PCDHA12: variants seen among roughly 807,000 people sequenced by gnomAD.
The protein encoded by PCDHA12 is protocadherin alpha 12.
Under a neutral mutation model 60.0 loss-of-function variants are expected in PCDHA12, and 44 were observed. The ratio of observed to expected loss-of-function variants is 0.73; its 90% CI spans 0.58 to 0.94. The LOEUF (loss-of-function observed/expected upper bound fraction) is 0.94, where lower values mean the gene tolerates loss of function less well. PCDHA12 is among the 40% of genes least tolerant of loss of function. PCDHA12 has a pLI of 0.00. For missense variants in PCDHA12, 1,276 were observed against 1,239.7 expected, an observed-to-expected ratio of 1.03 and a Z score of -0.44; for synonymous variants, 569 against 553.0, an observed-to-expected ratio of 1.03 and a Z score of -0.40.
At chr5:140,926,947 G>C in intron 1 of PCDHA12, 1 of 1,590,600 alleles carries the variant, frequency 6.3e-7, no homozygotes, top group Non-Finnish European at 8.6e-7. Context: ...CGGCGCTGCA[G>C]CGGGACAGCT....
chr5:140,934,612 T>G (rs2089946859), intron 1 of PCDHA12, among the ~76,000 whole-genome samples: 1 of 152,184 alleles, frequency 6.6e-6, no homozygotes, highest in South Asian at 2.1e-4. Flanking sequence ...TTGATTAGCC[T>G]GAGGTACAGT....
At chr5:140,968,817 T>C in intron 1 of PCDHA12, 2 of 1,614,110 alleles carry the variant, frequency 1.2e-6, no homozygotes, top group Middle Eastern at 3.3e-4. Flanking sequence ...GTGGATAGGG[T>C]TTCCAAAATC....
intron 1 of PCDHA12, among the ~76,000 whole-genome samples, chr5:140,946,679 C>T (rs556487333): frequency 4.1e-5 from 6 of 144,812 alleles, no homozygotes; most frequent in East Asian, 4.0e-4. Flanking sequence ...TCCTGTCATT[C>T]GTGACAATAT....
chr5:140,876,463 G>T lies in PCDHA12; in HGVS notation c.991G>T (p.Ala331Ser). ...NAIDKGIPSM[A>S]GHSMVLVEVL... ...CATTGATAAAGGGATTCCTTCCATG[G>T]CAGGTCACAGCATGGTCCTGGTGGA... is the stretch of plus-strand genomic sequence containing the variant. The change falls in exon 1 of 4, where the codon GCA (alanine) becomes TCA (serine). Residue 331 changes from alanine (A) to serine (S), a missense_variant. Transcript: ENST00000398631. 2 of 1,614,014 alleles carry T rather than the reference G, an allele frequency of 1.2e-6. No homozygotes were observed. The highest frequency in any genetic ancestry group is 1.7e-6 in the Non-Finnish European group (2 of 1,179,898).
rs1446529645 is a variant in PCDHA12, at chr5:140,923,539, C to CA, written c.2367+45704dup. ...GTGAGATTCTGTCCCAAAAAAAGGA[C>CA]AAAATGAAATATCAGCAATGAAAGG... On this transcript the variant is annotated intron_variant, in intron 1 of 3. Coordinates refer to ENST00000398631, the MANE Select transcript of PCDHA12 (RefSeq NM_018903.4). 3.3e-5 allele frequency among the ~76,000 whole-genome samples: 5 copies of CA among 152,090 alleles called. No individual in the cohort carries two copies. The South Asian group carries it at 8.3e-4, about 25-fold the overall frequency.
Position 140,941,114 on chromosome 5 carries a change from T to G in PCDHA12, c.2368-37835T>G, listed in dbSNP as rs193134067. ...TTTCACATACTATTACTGGAAAGAT[T>G]AGTCCTTTGAAGTTCCAGCTTAATG... On this transcript the variant is annotated intron_variant, in intron 1 of 3. Coordinates refer to ENST00000398631, the MANE Select transcript of PCDHA12 (RefSeq NM_018903.4). Among the ~76,000 whole-genome samples, 307 of 152,230 alleles carry G rather than the reference T, an allele frequency of 2.0e-3. 3 individuals carry two copies. Among genetic ancestry groups the G allele is most frequent in the African/African-American group, 7.2e-3 (299 of 41,546 alleles).
intron 1 of PCDHA12, chr5:140,881,378 G>A (rs2058692175): frequency 1.0e-6 from 1 of 984,802 alleles, no homozygotes; most frequent in Non-Finnish European, 1.2e-6. Context: ...ATTGCAGCCG[G>A]CGGCGGTAAG....
chr5:140,941,316 T>C (rs1479003076), intron 1 of PCDHA12, among the ~76,000 whole-genome samples: 1 of 135,480 alleles, frequency 7.4e-6, no homozygotes, highest in African/African-American at 2.7e-5. Flanking sequence ...TTTTCTTCTT[T>C]CTCTTTTTTT....
intron 1 of PCDHA12, among the ~76,000 whole-genome samples, chr5:140,935,339 A>G (rs1048024159): frequency 1.3e-5 from 2 of 152,180 alleles, no homozygotes; most frequent in Admixed American, 6.5e-5. Context: ...TTTCTCCCAT[A>G]CGTCAAATCC....
chr5:140,956,434 T>G (rs1554222427), intron 1 of PCDHA12, among the ~76,000 whole-genome samples: 1 of 152,236 alleles, frequency 6.6e-6, no homozygotes, highest in Non-Finnish European at 1.5e-5. Flanking sequence ...TTAGTTCTGC[T>G]TATGTGATGA....
rs142150910 is a variant in PCDHA12, at chr5:140,945,405, C to T, written c.2368-33544C>T. ...AGCAATATACAAATTCAATACAATTCGTATCAAAATTTCAATGAAGTTTTT... is the reference window on the plus strand; with the variant it reads ...AGCAATATACAAATTCAATACAATTTGTATCAAAATTTCAATGAAGTTTTT... On this transcript the variant is annotated intron_variant, in intron 1 of 3. Transcript: ENST00000398631. Among the ~76,000 whole-genome samples, 454 of 152,016 alleles carry T rather than the reference C, an allele frequency of 3.0e-3. 3 individuals are homozygous for T. Among genetic ancestry groups the T allele is most frequent in the African/African-American group, 9.6e-3 (400 of 41,488 alleles).
rs371830340 is a variant in PCDHA12 at position 140,947,864 on chromosome 5, C to G, written c.2368-31085C>G. Reference sequence around the variant, plus strand: ...TTTATTTATTTTGTCATTATAATGGCTAGGACTTCCAGGACAATATAAACA... The same window carrying G: ...TTTATTTATTTTGTCATTATAATGGGTAGGACTTCCAGGACAATATAAACA... On this transcript the variant is annotated intron_variant, in intron 1 of 3. Coordinates refer to ENST00000398631, the MANE Select transcript of PCDHA12 (RefSeq NM_018903.4). Among the ~76,000 whole-genome samples the G allele has an allele frequency of 1.4e-4, 21 of 151,554 alleles. No homozygotes were observed. The East Asian group carries it at 2.3e-3, about 17-fold the overall frequency.
chr5:141,002,333 G>T (rs782123745), intron 3 of PCDHA12, among the ~76,000 whole-genome samples: 1 of 152,196 alleles, frequency 6.6e-6, no homozygotes, highest in African/African-American at 2.4e-5. Context: ...GGCTGCATCC[G>T]CACCCCTTCC....
At chr5:140,940,349 C>T (rs1437069133) in intron 1 of PCDHA12, among the ~76,000 whole-genome samples, 14 of 152,156 alleles carry the variant, frequency 9.2e-5, no homozygotes, top group African/African-American at 2.9e-4. Flanking sequence ...GTGTGTCCAA[C>T]ATGCTATTAA....
chr5:141,005,701 CAAAAAAAAAAAA>C (rs59860837), intron 3 of PCDHA12, among the ~76,000 whole-genome samples: 139 of 7,794 alleles, frequency 0.018, no homozygotes, highest in African/African-American at 0.055. Context: ...AACTCCGTCT[CAAAAAAAAAAAA>C]AAAAAAAAAA....
In PCDHA12 at chr5:140,876,550, C is replaced by T; in HGVS notation, c.1078C>T (p.Gln360Ter). ...GGTTACTTCACTGTCGCTCCCTGTGCAAGAGGATGCTCAGGTGGGTACCGT... is the reference window on the plus strand; with the variant it reads ...GGTTACTTCACTGTCGCTCCCTGTGTAAGAGGATGCTCAGGTGGGTACCGT... ...VMVTSLSLPVQEDAQVGTVIA... is the reference protein window; with the variant it reads ...VMVTSLSLPV The change falls in exon 1 of 4, where the codon CAA becomes TAA. Residue 360 changes from glutamine (Q) to a stop codon, truncating the protein, a stop_gained. Transcript: ENST00000398631. LOFTEE classifies it high-confidence loss of function. 6.2e-7 allele frequency: 1 copy of T among 1,614,186 alleles called. No homozygotes were observed. The highest frequency in any genetic ancestry group is 8.5e-7 in the Non-Finnish European group (1 of 1,180,040).
At chr5:140,896,022 GC>G (rs2065315462) in intron 1 of PCDHA12, among the ~76,000 whole-genome samples, 3 of 152,138 alleles carry the variant, frequency 2.0e-5, no homozygotes, top group Admixed American at 1.3e-4. Context: ...TGTTGGCCAG[GC>G]TGGTCTCGAA....
In PCDHA12 at chr5:140,929,128, A is replaced by G. The variant is rs142487298; in HGVS notation, c.2368-49821A>G. On this transcript the variant is annotated intron_variant, in intron 1 of 3. Transcript: ENST00000398631. Reference sequence around the variant, plus strand: ...GACATCAGCCACCATAGATGTCACTACAGTTGAGAGACTTTCTCAGACTTA... The same window carrying G: ...GACATCAGCCACCATAGATGTCACTGCAGTTGAGAGACTTTCTCAGACTTA... The G allele has an allele frequency of 8.1e-6, 13 of 1,614,054 alleles. No individual in the cohort carries two copies. In the African/African-American group the frequency reaches 1.5e-4, roughly 18 times the overall value.
Position 140,876,005 on chromosome 5 carries a change from T to C in PCDHA12, c.533T>C (p.Phe178Ser). ...LTYALSLNEN[F>S]ELKIKTKKDK... ...TATGCGTTAAGTCTAAATGAGAATT[T>C]TGAGCTTAAAATAAAAACAAAAAAA... Residue 178 changes from phenylalanine (F) to serine (S), a missense_variant, in exon 1 of 4, where the codon TTT (phenylalanine) becomes TCT (serine). Physicochemically the swap from Phe to Ser is radical, Grantham distance 155. Transcript: ENST00000398631. 6.2e-7 allele frequency: 1 copy of C among 1,613,854 alleles called. No homozygotes were observed. The highest frequency in any genetic ancestry group is 1.3e-5 in the African/African-American group (1 of 75,026).
Sources: allele counts gnomAD v4.1 joint callset (sites outside exome capture counted in the v4.1 genomes callset), GRCh38; gene constraint gnomAD v4.1.1; transcripts MANE v1.5; gene names NCBI Gene and HGNC (gene_info 2026-07-23, HGNC 2026-07-21).